Variants in CYP3A5 observed in about 807,000 individuals in gnomAD.
The protein encoded by CYP3A5 is cytochrome P450 3A5.
Under a neutral mutation model 55.9 loss-of-function variants are expected in CYP3A5, and 51 were observed. That is an observed-to-expected ratio of 0.91 (90% confidence interval 0.73 to 1.15). CYP3A5 has a LOEUF of 1.15. CYP3A5 is among the 50% of genes most tolerant of loss of function. The pLI, the probability that CYP3A5 is intolerant of heterozygous loss-of-function variation, is 0.00. For synonymous variants in CYP3A5, 196 were observed against 213.9 expected, an observed-to-expected ratio of 0.92 and a Z score of 0.73; for missense variants, 533 against 596.6, an observed-to-expected ratio of 0.89 and a Z score of 1.11.
chr7:99,667,082 A>C lies in CYP3A5; in HGVS notation c.319-17T>G. 1 of 1,603,316 alleles carries C rather than the reference A, an allele frequency of 6.2e-7. No individual in the cohort carries two copies. The highest frequency in any genetic ancestry group is 1.1e-5 in the South Asian group (1 of 89,950). ...GCCTAAAGACTAGAGTTCAACAGAA[A>C]CATTTTTTCTCACATTAGTTGTGGT... On this transcript the variant is annotated splice_polypyrimidine_tract_variant and intron_variant, in intron 4 of 12. Coordinates refer to ENST00000222982, the MANE Select transcript of CYP3A5 (RefSeq NM_000777.5).
chr7:99,667,884 T>TA (rs1201220789), intron 4 of CYP3A5, among the ~76,000 whole-genome samples: 1 of 152,090 alleles, frequency 6.6e-6, no homozygotes, highest in Non-Finnish European at 1.5e-5. Context: ...CAAGAAGAAC[T>TA]AAAAAATGCC....
rs572807969 is a variant in CYP3A5, at chr7:99,666,578, C to T, written c.521+23G>A. ...GGAAGGGCTCATGACAGCTCAGAAC[C>T]CCATGGCTGTGCTCCTACTTACTCT... On this transcript the variant is annotated intron_variant, in intron 6 of 12. Transcript: ENST00000222982. 6.2e-6 allele frequency: 10 copies of T among 1,611,268 alleles called. No individual in the cohort carries two copies. In the African/African-American group the frequency reaches 1.3e-4, roughly 22 times the overall value.
rs947877242 is a variant in CYP3A5, at chr7:99,653,602, A to T, written c.1027-823T>A. On this transcript the variant is annotated intron_variant, in intron 10 of 12. Transcript: ENST00000222982. This position sits in a 1 kb window ranked among gnomAD's most constrained non-coding sequence, Gnocchi z 4.2. Reference sequence around the variant, plus strand: ...AAAGTTATGAAGAGAATAGAACCCCACACTCAGCCCCATCCCCTCCTTTTG... The same window carrying T: ...AAAGTTATGAAGAGAATAGAACCCCTCACTCAGCCCCATCCCCTCCTTTTG... Among the ~76,000 whole-genome samples, 12 of 152,194 alleles carry T rather than the reference A, an allele frequency of 7.9e-5. No individual in the cohort carries two copies. Among genetic ancestry groups the T allele is most frequent in the African/African-American group, 2.9e-4 (12 of 41,442 alleles).
At chr7:99,663,270 A>T (rs1280969280) in intron 8 of CYP3A5, 9 of 1,009,536 alleles carry the variant, frequency 8.9e-6, no homozygotes, top group Non-Finnish European at 1.1e-5. Context: ...CGTATAGATT[A>T]ATCTCCTGAC....
chr7:99,662,478 G>A lies in CYP3A5; in HGVS notation c.865+338C>T, dbSNP rs562019133. Among the ~76,000 whole-genome samples, 17 of 152,254 alleles carry A rather than the reference G, an allele frequency of 1.1e-4. No homozygotes were observed. The highest frequency in any genetic ancestry group is 3.9e-4 in the East Asian group (2 of 5,172). ...TACTGGGATAGTGTGCTTCCTGATC[G>A]GTATGTTTGATATAAATTTCCAAGT... On this transcript the variant is annotated intron_variant, in intron 9 of 12. Transcript: ENST00000222982. This position sits in a 1 kb window ranked among gnomAD's most constrained non-coding sequence, Gnocchi z 4.3.
In CYP3A5 at chr7:99,662,981, C is replaced by T; in HGVS notation, c.799-99G>A. The stretch of plus-strand genomic sequence containing the variant: ...TCAACCTCCCTTCTTGACTTCCCTC[C>T]CTCAACCTCCCTATGGCTTCTTGAA... On this transcript the variant is annotated intron_variant, in intron 8 of 12. Coordinates refer to ENST00000222982, the MANE Select transcript of CYP3A5 (RefSeq NM_000777.5). The surrounding 1 kb of genome is among the most constrained non-coding windows in gnomAD (Gnocchi z 4.3). 1 of 1,552,588 alleles carries T rather than the reference C, an allele frequency of 6.4e-7. No individual in the cohort carries two copies. Among genetic ancestry groups the T allele is most frequent in the Non-Finnish European group, 8.7e-7 (1 of 1,147,502 alleles).
In CYP3A5 at chr7:99,660,214, CTTTTTTTTTTTT is replaced by C. The variant is rs34318418; in HGVS notation, c.1026+273_1026+284del. The C allele has an allele frequency of 4.3e-4, 186 of 429,924 alleles. 1 individual carries two copies. In the Middle Eastern group the frequency reaches 0.012, roughly 27 times the overall value. 26.6% of individuals were successfully genotyped at this position (429,924 alleles called of 1,614,324 possible). A position where few individuals can be genotyped will look rare whatever the true frequency, so the allele number is the denominator to read the frequency against. The stretch of plus-strand genomic sequence containing the variant: ...GTTTGGCCATCTTCTCGCCACACTC[CTTTTTTTTTTTT>C]TTTTTTTTTTTTTTTTTTTACTTAG... On this transcript the variant is annotated intron_variant, in intron 10 of 12. Coordinates refer to ENST00000222982, the MANE Select transcript of CYP3A5 (RefSeq NM_000777.5).
intron 3 of CYP3A5, among the ~76,000 whole-genome samples, chr7:99,673,309 T>C (rs1299573476): frequency 6.6e-6 from 1 of 152,170 alleles, no homozygotes; most frequent in Non-Finnish European, 1.5e-5. Flanking sequence ...TTGCTTCTAG[T>C]GAACAAACAC....
intron 6 of CYP3A5, among the ~76,000 whole-genome samples, chr7:99,666,268 A>T (rs141012317): frequency 1.3e-3 from 199 of 152,320 alleles, no homozygotes; most frequent in South Asian, 0.011. Context: ...ATGCTTGCTT[A>T]CCCACAGTTC....
At chr7:99,666,902 C>G in intron 5 of CYP3A5, 50 bp downstream of exon 5, 1 of 1,606,244 alleles carries the variant, frequency 6.2e-7, no homozygotes, top group Non-Finnish European at 8.5e-7. Context: ...TCTACCTGTC[C>G]CCAGATTCAT....
intron 10 of CYP3A5, among the ~76,000 whole-genome samples, chr7:99,656,702 A>C (rs992587641): frequency 6.6e-6 from 1 of 152,186 alleles, no homozygotes; most frequent in Admixed American, 6.5e-5. Flanking sequence ...CGGTGAATCC[A>C]TCTGGTCCTG....
At chr7:99,659,584 C>A (rs1202719281) in intron 10 of CYP3A5, 1 of 152,846 alleles carries the variant, frequency 6.5e-6, no homozygotes, top group Non-Finnish European at 1.5e-5. Flanking sequence ...CTGGGAGAAC[C>A]ACTACTCTCT....
Position 99,674,555 on chromosome 7 carries a change from T to C in CYP3A5, c.196A>G (p.Lys66Glu). The C allele has an allele frequency of 6.2e-7, 1 of 1,613,808 alleles. No homozygotes were observed. The highest frequency in any genetic ancestry group is 1.1e-5 in the South Asian group (1 of 91,020). Residue 66 changes from lysine to glutamate, a missense_variant, in exon 3 of 13, where the codon AAA becomes GAA. Coordinates refer to ENST00000222982, the MANE Select transcript of CYP3A5 (RefSeq NM_000777.5). Reference sequence around the variant, plus strand: ...CACCCCCACATTTTTCCATACTTTTTATAGCACTCTGTGTCAAATTTCCAG... The same window carrying C: ...CACCCCCACATTTTTCCATACTTTTCATAGCACTCTGTGTCAAATTTCCAG... ...GLWKFDTECYKKYGKMWGTYE... is the reference protein window; with the variant it reads ...GLWKFDTECYEKYGKMWGTYE...
In CYP3A5 at chr7:99,648,318, AG is replaced by A. The variant is rs1333924124; in HGVS notation, c.1495del (p.Leu499Ter). 1 of 1,612,818 alleles carries A rather than the reference AG, an allele frequency of 6.2e-7. No homozygotes were observed. Among genetic ancestry groups the A allele is most frequent in the Non-Finnish European group, 8.5e-7 (1 of 1,179,272 alleles). On this transcript the variant is annotated frameshift_variant, in exon 13 of 13. Transcript: ENST00000222982. LOFTEE classifies it high-confidence loss of function. ...CCTTAGAATAACTCATTCTCCACTT[AG>A]GGTTCCATCTCTTGAATCCACCTTT... ...VLKVDSRDGT[L>X]SGE
chr7:99,663,844 T>G (rs772754133), intron 8 of CYP3A5, 124 bp downstream of exon 8: 123 of 1,398,710 alleles, frequency 8.8e-5, no homozygotes, highest in Non-Finnish European at 1.1e-4. Flanking sequence ...AAATGGCTTC[T>G]CTTGTTCTAA....
In CYP3A5 at chr7:99,662,904, TC is replaced by T; in HGVS notation, c.799-23del. The T allele has an allele frequency of 1.2e-6, 2 of 1,613,268 alleles. No individual in the cohort carries two copies. Among genetic ancestry groups the T allele is most frequent in the South Asian group, 2.2e-5 (2 of 91,066 alleles). Reference sequence around the variant, plus strand: ...GGTGCTAGAAGCAAAAGGAGAGATTTCTTTGGCAGAAAGTGACTCGTGAAGT... The same window carrying T: ...GGTGCTAGAAGCAAAAGGAGAGATTTTTTGGCAGAAAGTGACTCGTGAAGT... On this transcript the variant is annotated intron_variant, in intron 8 of 12. Coordinates refer to ENST00000222982, the MANE Select transcript of CYP3A5 (RefSeq NM_000777.5). The surrounding 1 kb of genome is among the most constrained non-coding windows in gnomAD (Gnocchi z 4.3).
At chr7:99,678,742 C>T (rs1036872873) in intron 1 of CYP3A5, among the ~76,000 whole-genome samples, 5 of 152,176 alleles carry the variant, frequency 3.3e-5, no homozygotes, top group African/African-American at 1.2e-4. Flanking sequence ...AACCATGTTG[C>T]CACAACTCAC....
intron 10 of CYP3A5, among the ~76,000 whole-genome samples, chr7:99,656,091 C>T (rs1268961768): frequency 6.6e-6 from 1 of 152,192 alleles, no homozygotes. Flanking sequence ...TGCCTGATTG[C>T]CCTGGCCAGA....
chr7:99,660,278 G>A, intron 10 of CYP3A5: 2 of 614,514 alleles, frequency 3.3e-6, no homozygotes, highest in Non-Finnish European at 2.0e-6. Flanking sequence ...GTAAACAGGT[G>A]AACCAGGGCC....
Sources: allele counts gnomAD v4.1 joint callset (sites outside exome capture counted in the v4.1 genomes callset), GRCh38; gene constraint gnomAD v4.1.1; non-coding constraint Gnocchi (gnomAD v3.1); transcripts MANE v1.5; gene names NCBI Gene and HGNC (gene_info 2026-07-23, HGNC 2026-07-21).